The following PTPN13 variants were observed in gnomAD, a reference collection of about 807,000 sequenced individuals.
PTPN13 encodes the protein protein tyrosine phosphatase non-receptor type 13, also known as tyrosine-protein phosphatase non-receptor type 13.
PTPN13 carries 191 observed loss-of-function variants against 284.0 expected under a neutral mutation model. That is an observed-to-expected ratio of 0.67 (90% confidence interval 0.60 to 0.76). The LOEUF is 0.76. Ranked by LOEUF, PTPN13 falls within the 30% of genes least tolerant of loss-of-function variation. The probability of loss-of-function intolerance (pLI) is 0.00; values close to 1 mark genes in which losing one functional copy is unlikely to be tolerated. For synonymous variants in PTPN13, 986 were observed against 1,022.3 expected, an observed-to-expected ratio of 0.96 and a Z score of 0.68; for missense variants, 2,797 against 2,939.9, an observed-to-expected ratio of 0.95 and a Z score of 1.12.
At chr4:86,812,357 C>T (rs973553161) in intron 47 of PTPN13, among the ~76,000 whole-genome samples, 1 of 148,248 alleles carries the variant, frequency 6.7e-6, no homozygotes, top group African/African-American at 2.5e-5. Flanking sequence ...GTGCCTGGAG[C>T]ACATCAGTGA....
chr4:86,780,526 G>A, intron 36 of PTPN13, 54 bp downstream of exon 36: 1 of 1,203,620 alleles, frequency 8.3e-7, no homozygotes. Context: ...AATGTAAAAT[G>A]GCACATCCAT....
intron 15 of PTPN13, among the ~76,000 whole-genome samples, chr4:86,736,297 A>G (rs1158649583): frequency 6.6e-6 from 1 of 152,216 alleles, no homozygotes; most frequent in Non-Finnish European, 1.5e-5. Flanking sequence ...ACCTTAGATA[A>G]ATAGTACATT....
intron 3 of PTPN13, among the ~76,000 whole-genome samples, chr4:86,681,540 A>G (rs1728887402): frequency 1.3e-5 from 2 of 152,220 alleles, no homozygotes; most frequent in Non-Finnish European, 2.9e-5. Context: ...AGGGTAAGAA[A>G]CTGAAGCCAA....
chr4:86,695,032 C>G (rs897658927), intron 6 of PTPN13, among the ~76,000 whole-genome samples: 11 of 152,240 alleles, frequency 7.2e-5, no homozygotes, highest in Admixed American at 5.9e-4. Context: ...AGTCAGAACT[C>G]TCATATCTGA....
intron 32 of PTPN13, among the ~76,000 whole-genome samples, 188 bp from the exon 33 acceptor site, chr4:86,774,185 G>A (rs1057064245): frequency 3.3e-5 from 5 of 152,176 alleles, no homozygotes; most frequent in Admixed American, 2.6e-4. Context: ...GGATGCAGTG[G>A]GGGGACAGTC....
intron 23 of PTPN13, among the ~76,000 whole-genome samples, chr4:86,762,162 A>G (rs181858695): frequency 2.6e-5 from 4 of 152,262 alleles, no homozygotes; most frequent in East Asian, 3.9e-4. Context: ...TGGTACAGAC[A>G]GGGTTTCACC....
At position 86,741,768 on chromosome 4, in the gene PTPN13, A is replaced by T. The variant is rs1433723040; in HGVS notation, c.2439A>T (p.Thr813=). Residue 813 remains threonine, a synonymous_variant, in exon 16 of 48, where the codon ACA becomes ACT. Transcript: ENST00000411767. ...TTGAAGTTCACAATGGAGTGCGCACATTGGTCCTTCGCTTTCCATGGAGGG... is the reference window on the plus strand; with the variant it reads ...TTGAAGTTCACAATGGAGTGCGCACTTTGGTCCTTCGCTTTCCATGGAGGG... The part of the protein sequence containing the change: ...LVFEVHNGVR[T]LVLRFPWRET... 3.7e-6 allele frequency: 6 copies of T among 1,612,394 alleles called. No individual in the cohort carries two copies. In the South Asian group the frequency reaches 5.5e-5, roughly 15 times the overall value.
Position 86,672,555 on chromosome 4 carries a change from A to AT in PTPN13, c.294+19dup. On this transcript the variant is annotated intron_variant, in intron 3 of 47. Transcript: ENST00000411767. Reference sequence around the variant, plus strand: ...CAGATGTTGAAAAGGTAACTGTTAAATTTTTTTGTTTGTTTTTTTATTTGG... The same window carrying AT: ...CAGATGTTGAAAAGGTAACTGTTAAATTTTTTTTGTTTGTTTTTTTATTTGG... 2 of 1,581,728 alleles carry AT rather than the reference A, an allele frequency of 1.3e-6. No homozygotes were observed. Among genetic ancestry groups the AT allele is most frequent in the East Asian group, 4.6e-5 (2 of 43,866 alleles).
chr4:86,689,961 G>A (rs1342062896), intron 5 of PTPN13: 1 of 423,006 alleles, frequency 2.4e-6, no homozygotes, highest in Non-Finnish European at 4.2e-6. Flanking sequence ...CAGTGTTCTT[G>A]TTGACTTCCT....
chr4:86,706,432 A>T (rs1488054106), intron 7 of PTPN13, among the ~76,000 whole-genome samples: 1 of 152,200 alleles, frequency 6.6e-6, no homozygotes, highest in East Asian at 1.9e-4. Flanking sequence ...GTGAAACAAG[A>T]TAGTATTAGG....
chr4:86,792,712 C>T (rs1038142753), intron 40 of PTPN13, among the ~76,000 whole-genome samples: 1 of 152,210 alleles, frequency 6.6e-6, no homozygotes, highest in Non-Finnish European at 1.5e-5. Flanking sequence ...ATTCAACATT[C>T]TTAAAGGAAA....
At chr4:86,716,668 C>T (rs983062323) in intron 8 of PTPN13, 43 bp downstream of exon 8, 18 of 1,219,466 alleles carry the variant, frequency 1.5e-5, no homozygotes, top group Admixed American at 7.3e-5. Context: ...TAAGAAACCA[C>T]GATTATTATT....
intron 36 of PTPN13, 55 bp downstream of exon 36, chr4:86,780,527 G>A (rs1741182933): frequency 8.4e-7 from 1 of 1,196,070 alleles, no homozygotes; most frequent in East Asian, 2.4e-5. Flanking sequence ...ATGTAAAATG[G>A]CACATCCATT....
chr4:86,621,086 C>T (rs1237608734), intron 1 of PTPN13, among the ~76,000 whole-genome samples: 1 of 152,116 alleles, frequency 6.6e-6, no homozygotes, highest in East Asian at 1.9e-4. Context: ...CTTCCAGTTT[C>T]TCACTCGTTT....
chr4:86,722,485 C>A, intron 10 of PTPN13, 51 bp downstream of exon 10: 4 of 1,487,064 alleles, frequency 2.7e-6, no homozygotes, highest in Non-Finnish European at 1.9e-6. Context: ...TCACAGGGAA[C>A]TCTTGGGCAA....
intron 2 of PTPN13, among the ~76,000 whole-genome samples, chr4:86,650,059 C>T (rs1007229227): frequency 1.3e-5 from 2 of 152,152 alleles, no homozygotes; most frequent in African/African-American, 4.8e-5. Context: ...GATCTTGGCT[C>T]ACTGCAGCCT....
intron 15 of PTPN13, 114 bp downstream of exon 15, chr4:86,735,860 C>A: frequency 1.1e-6 from 1 of 900,216 alleles, no homozygotes; most frequent in Non-Finnish European, 1.6e-6. Context: ...TGTGCATAAT[C>A]TCATCTCATT....
chr4:86,793,419 C>T (rs1053041195), intron 40 of PTPN13, among the ~76,000 whole-genome samples: 1 of 152,008 alleles, frequency 6.6e-6, no homozygotes, highest in South Asian at 2.1e-4. Flanking sequence ...ACTTTAACAC[C>T]CCACTGTCAA....
chr4:86,653,614 T>G (rs932930160), intron 2 of PTPN13, among the ~76,000 whole-genome samples: 1 of 152,136 alleles, frequency 6.6e-6, no homozygotes, highest in Non-Finnish European at 1.5e-5. Flanking sequence ...AGCAGAAATT[T>G]CAAACCATTG....
Sources: gnomAD v4.1 joint callset for allele counts (sites outside exome capture counted in the v4.1 genomes callset) on GRCh38, gnomAD v4.1.1 for gene constraint, MANE v1.5 for transcripts, NCBI Gene and HGNC (gene_info 2026-07-23, HGNC 2026-07-21) for gene names.